PKHD1: variants seen among roughly 807,000 people sequenced by gnomAD.
The protein encoded by PKHD1 is fibrocystin.
In PKHD1, 291 loss-of-function variants were observed where a neutral mutation model predicts 412.0. The ratio of observed to expected loss-of-function variants is 0.71; its 90% confidence interval spans 0.64 to 0.78. The LOEUF is 0.78. Among genes scored for constraint, PKHD1 ranks in the 30% least tolerant of loss-of-function variants. The probability of loss-of-function intolerance (pLI) is 0.00; values close to 1 mark genes in which losing one functional copy is unlikely to be tolerated. For missense variants in PKHD1, 4,825 were observed against 4,950.7 expected, an observed-to-expected ratio of 0.97 and a Z score of 0.76; for synonymous variants, 1,777 against 1,821.5, an observed-to-expected ratio of 0.98 and a Z score of 0.62.
Position 51,934,188 on chromosome 6 carries a change from C to T in PKHD1, c.6043G>A (p.Gly2015Arg), listed in dbSNP as rs1312796873. ...AAGAAGGGAGTTGAGTAGGAACTCC[C>T]GTAGAGTGTGATCTGAGCTCTGCCT... is the stretch of plus-strand genomic sequence containing the variant. ...FQGRAQITLYGSSYSTPFFPY... is the reference protein window; with the variant it reads ...FQGRAQITLYRSSYSTPFFPY... The change falls in exon 37 of 67, where the codon GGG (glycine) becomes AGG (arginine). Residue 2015 changes from glycine to arginine, a missense_variant. Transcript: ENST00000371117. 6.2e-7 allele frequency: 1 copy of T among 1,613,900 alleles called. No homozygotes were observed.
chr6:51,861,596 T>C (rs572714345), intron 48 of PKHD1, among the ~76,000 whole-genome samples: 5 of 152,364 alleles, frequency 3.3e-5, no homozygotes, highest in African/African-American at 1.2e-4. Flanking sequence ...CAAATTTCTG[T>C]GGCATGGTTT....
intron 53 of PKHD1, among the ~76,000 whole-genome samples, chr6:51,786,522 C>A (rs1346713354): frequency 6.6e-6 from 1 of 152,164 alleles, no homozygotes; most frequent in Non-Finnish European, 1.5e-5. Context: ...AACTCCTTGG[C>A]ATAGTATATC....
intron 60 of PKHD1, among the ~76,000 whole-genome samples, chr6:51,693,685 A>T (rs370591745): frequency 2.6e-5 from 4 of 152,290 alleles, no homozygotes; most frequent in African/African-American, 7.2e-5. Context: ...CATTAAAAAC[A>T]TGGGATGGCA....
chr6:51,629,351 T>C (rs558933888), intron 65 of PKHD1, among the ~76,000 whole-genome samples: 1 of 151,784 alleles, frequency 6.6e-6, no homozygotes, highest in Non-Finnish European at 1.5e-5. Context: ...TATAAGAACT[T>C]AAATCAAAAA....
intron 43 of PKHD1, among the ~76,000 whole-genome samples, chr6:51,887,995 C>A (rs1778481064): frequency 6.6e-6 from 1 of 152,212 alleles, no homozygotes; most frequent in Non-Finnish European, 1.5e-5. Context: ...TTGGTGAATG[C>A]AACAGTATAT....
chr6:52,010,782 C>T (rs1185242570), intron 34 of PKHD1, among the ~76,000 whole-genome samples: 1 of 152,106 alleles, frequency 6.6e-6, no homozygotes, highest in Non-Finnish European at 1.5e-5. Context: ...CTTCCAGTTC[C>T]AAAAAGGGTA....
chr6:51,848,640 C>T (rs1467683057), intron 49 of PKHD1, among the ~76,000 whole-genome samples: 4 of 152,070 alleles, frequency 2.6e-5, no homozygotes, highest in Non-Finnish European at 4.4e-5. Context: ...AGTGCTCTCA[C>T]GGGAATCTCA....
At position 51,638,915 on chromosome 6, in the gene PKHD1, A is replaced by G; in HGVS notation, c.11440T>C (p.Tyr3814His). 1 of 1,613,916 alleles carries G rather than the reference A, an allele frequency of 6.2e-7. No individual in the cohort carries two copies. Among genetic ancestry groups the G allele is most frequent in the Non-Finnish European group, 8.5e-7 (1 of 1,179,832 alleles). Residue 3814 changes from tyrosine to histidine, a missense_variant, in exon 64 of 67, where the codon TAC becomes CAC. Physicochemically the swap from Tyr to His is moderately conservative, Grantham distance 83. Transcript: ENST00000371117. ...AETQDGYVSF[Y>H]NLAVLISGSN... The stretch of plus-strand genomic sequence containing the variant: ...CCAGAGATCAAGACTGCCAAGTTGT[A>G]GAAGCTAACATAACCATCTTGAGTT...
chr6:51,936,232 T>C (rs1787458746), intron 36 of PKHD1, among the ~76,000 whole-genome samples: 2 of 152,186 alleles, frequency 1.3e-5, no homozygotes, highest in African/African-American at 2.4e-5. Flanking sequence ...TTTCCTTATA[T>C]ACAAACACAC....
At chr6:51,775,565 C>T (rs1198914053) in intron 54 of PKHD1, among the ~76,000 whole-genome samples, 1 of 151,852 alleles carries the variant, frequency 6.6e-6, no homozygotes, top group Admixed American at 6.6e-5. Flanking sequence ...ATCCATAATG[C>T]TGACACTATA....
At chr6:51,830,807 G>T (rs1768108572) in intron 52 of PKHD1, 54 bp downstream of exon 52, 7 of 1,531,508 alleles carry the variant, frequency 4.6e-6, no homozygotes, top group Non-Finnish European at 6.3e-6. Context: ...AACATAATCA[G>T]ATCTGGCTGG....
At chr6:52,063,417 G>C (rs1424099908) in intron 13 of PKHD1, among the ~76,000 whole-genome samples, 1 of 152,044 alleles carries the variant, frequency 6.6e-6, no homozygotes, top group Non-Finnish European at 1.5e-5. Context: ...CTAGGACCAA[G>C]GGAAAATATA....
intron 61 of PKHD1, among the ~76,000 whole-genome samples, chr6:51,653,095 T>C (rs1306272329): frequency 1.3e-5 from 2 of 152,230 alleles, no homozygotes; most frequent in Non-Finnish European, 1.5e-5. Context: ...TTAACAAGTA[T>C]ATGTTAACCC....
At chr6:52,019,919 T>C (rs1386245714) in intron 33 of PKHD1, among the ~76,000 whole-genome samples, 1 of 152,168 alleles carries the variant, frequency 6.6e-6, no homozygotes, top group Non-Finnish European at 1.5e-5. Flanking sequence ...AAAGCACATT[T>C]GTAGAGCCCC....
intron 32 of PKHD1, among the ~76,000 whole-genome samples, chr6:52,023,606 A>G (rs1179791698): frequency 1.3e-5 from 2 of 152,194 alleles, no homozygotes; most frequent in Non-Finnish European, 2.9e-5. Context: ...GAGTAAAACC[A>G]GTCCACATTT....
intron 63 of PKHD1, among the ~76,000 whole-genome samples, chr6:51,647,183 C>A (rs1770198263): frequency 6.6e-6 from 1 of 152,132 alleles, no homozygotes; most frequent in Non-Finnish European, 1.5e-5. Context: ...AATGATTGAA[C>A]AATTTCGTAA....
At chr6:51,846,893 C>T (rs1426246297) in intron 50 of PKHD1, among the ~76,000 whole-genome samples, 2 of 152,164 alleles carry the variant, frequency 1.3e-5, no homozygotes, top group Admixed American at 6.6e-5. Context: ...TGCATTGGTA[C>T]TCTCTACCTT....
intron 52 of PKHD1, among the ~76,000 whole-genome samples, chr6:51,792,067 G>A (rs1440106213): frequency 6.6e-6 from 1 of 152,108 alleles, no homozygotes; most frequent in Non-Finnish European, 1.5e-5. Flanking sequence ...CATGCTTATA[G>A]TGCTTACTGG....
chr6:52,069,327 AG>A, intron 11 of PKHD1, 129 bp downstream of exon 11: 1 of 771,842 alleles, frequency 1.3e-6, no homozygotes, highest in South Asian at 1.4e-5. Flanking sequence ...CAAAAACACC[AG>A]GCTGTCTATG....
Sources: gnomAD v4.1 joint callset for allele counts (sites outside exome capture counted in the v4.1 genomes callset) on GRCh38, gnomAD v4.1.1 for gene constraint, MANE v1.5 for transcripts, NCBI Gene and HGNC (gene_info 2026-07-23, HGNC 2026-07-21) for gene names.